Variants in STAG3 observed in about 807,000 individuals in gnomAD.
The protein encoded by STAG3 is STAG3 cohesin complex component.
Under a neutral mutation model 160.7 loss-of-function variants are expected in STAG3, and 101 were observed. That is an observed-to-expected ratio of 0.63 (90% CI 0.54 to 0.74). The LOEUF is 0.74. Among genes scored for constraint, STAG3 ranks in the 30% least tolerant of loss-of-function variants. The pLI, the probability that STAG3 is intolerant of heterozygous loss-of-function variation, is 0.00. For synonymous variants in STAG3, 519 were observed against 585.0 expected (o/e 0.89, Z 1.63); for missense variants, 1,188 against 1,517.4 (o/e 0.78, Z 3.61).
Position 100,204,513 on chromosome 7 carries a change from A to G in STAG3, c.2803-114A>G. The G allele has an allele frequency of 3.1e-6, 4 of 1,298,612 alleles. No individual in the cohort carries two copies. In the Admixed American group the frequency reaches 7.1e-5, roughly 23 times the overall value. The allele number at this position is 1,298,612 out of a possible 1,614,324, so 80.4% of individuals were successfully genotyped here. On this transcript the variant is annotated intron_variant, in intron 26 of 33. Coordinates refer to ENST00000615138, the MANE Select transcript of STAG3 (RefSeq NM_001282717.2). The stretch of plus-strand genomic sequence containing the variant: ...CTAGAAGGAAGGAAAGAGTAAAAGT[A>G]GTAGATGGTGTCCCAAGGCCTTTGG...
intron 12 of STAG3, 76 bp from the exon 13 acceptor site, chr7:100,198,399 C>T: frequency 6.6e-7 from 1 of 1,523,994 alleles, no homozygotes; most frequent in Non-Finnish European, 9.1e-7. Context: ...GCTTTTGCCT[C>T]TTTTTGTTTC....
In STAG3 at chr7:100,200,769, C is replaced by T. The variant is rs768871223; in HGVS notation, c.1861C>T (p.His621Tyr). 43 of 1,613,914 alleles carry T rather than the reference C, an allele frequency of 2.7e-5. No individual in the cohort carries two copies. In the East Asian group the frequency reaches 8.7e-4, roughly 33 times the overall value. The stretch of plus-strand genomic sequence containing the variant: ...ACCATCTTCTGCCTTTTCTTCTCAG[C>T]ACCTGGAGCTGTTCCTGCAGCAACT... ...HIYCTGRLEK[H>Y]LELFLQQLQE... is the part of the protein sequence containing the mutation. Residue 621 changes from histidine (H) to tyrosine (Y), a missense_variant and splice_region_variant, in exon 19 of 34, where the codon CAC (histidine) becomes TAC (tyrosine). Physicochemically the swap from His to Tyr is moderately conservative, Grantham distance 83. This residue lies in a region of STAG3 where 240 missense variants were observed against 358.1 expected (regional missense o/e 0.67). Transcript: ENST00000615138.
chr7:100,185,611 A>C (rs1487999091), intron 4 of STAG3, among the ~76,000 whole-genome samples: 2 of 152,074 alleles, frequency 1.3e-5, no homozygotes, highest in South Asian at 4.1e-4. Context: ...CAAAAAAAAA[A>C]AAAAAGGAAA....
At chr7:100,203,179 T>C (rs1801297442) in intron 25 of STAG3, among the ~76,000 whole-genome samples, 1 of 139,026 alleles carries the variant, frequency 7.2e-6, no homozygotes. Context: ...TTATTTCTTT[T>C]CTTTTCTTTT....
chr7:100,198,054 A>G (rs758817629), intron 11 of STAG3, 33 bp from the exon 12 acceptor site: 2 of 1,608,354 alleles, frequency 1.2e-6, no homozygotes, highest in East Asian at 4.5e-5. Flanking sequence ...AATGGGTGTA[A>G]TGAGATATTG....
chr7:100,210,084 G>A (rs1802038426), intron 29 of STAG3, among the ~76,000 whole-genome samples: 1 of 152,182 alleles, frequency 6.6e-6, no homozygotes, highest in African/African-American at 2.4e-5. Flanking sequence ...AGTGAAGATG[G>A]AGAAGAGGAG....
At chr7:100,213,689 AGG>A in intron 32 of STAG3, 44 bp from the exon 33 acceptor site, 9 of 1,613,754 alleles carry the variant, frequency 5.6e-6, no homozygotes, top group Non-Finnish European at 6.8e-6. Flanking sequence ...GCGAAGTGAC[AGG>A]AGTGTGTAAA....
At chr7:100,214,702 G>A (rs1169606779), downstream of STAG3, among the ~76,000 whole-genome samples, 1 of 152,116 alleles carries the variant, frequency 6.6e-6, no homozygotes, top group Non-Finnish European at 1.5e-5. Context: ...ATGTGTCCTG[G>A]CAGCCTTCAC....
intron 3 of STAG3, 34 bp from the exon 4 acceptor site, chr7:100,182,689 T>G (rs1171645152): frequency 5.6e-6 from 9 of 1,607,140 alleles, no homozygotes; most frequent in Admixed American, 3.4e-5. Context: ...TTTTTGTTTT[T>G]TTTTCATATT....
Position 100,188,853 on chromosome 7 carries a change from G to T in STAG3, c.552G>T (p.Trp184Cys), listed in dbSNP as rs1800185262. Residue 184 changes from tryptophan (W) to cysteine (C), a missense_variant, in exon 7 of 34, where the codon TGG (tryptophan) becomes TGT (cysteine). Trp to Cys is a radical substitution (Grantham distance 215, BLOSUM62 -2). Transcript: ENST00000615138. ...DYPLIAPGPS[W>C]KKFQGSFCEF... is the part of the protein sequence containing the mutation. ...CTCTCATAGCTCCAGGTCCATCCTGGAAGAAGTTCCAGGGCAGCTTCTGTG... is the reference window on the plus strand; with the variant it reads ...CTCTCATAGCTCCAGGTCCATCCTGTAAGAAGTTCCAGGGCAGCTTCTGTG... The T allele has an allele frequency of 6.2e-7, 1 of 1,614,102 alleles. No individual in the cohort carries two copies. Among genetic ancestry groups the T allele is most frequent in the Non-Finnish European group, 8.5e-7 (1 of 1,180,024 alleles).
At chr7:100,194,147 A>T (rs1262100092) in intron 8 of STAG3, among the ~76,000 whole-genome samples, 3 of 151,920 alleles carry the variant, frequency 2.0e-5, no homozygotes, top group Non-Finnish European at 4.4e-5. Context: ...GGGTTTCGCC[A>T]TGTTGGTCAG....
chr7:100,213,835 A>G lies in STAG3; in HGVS notation c.3672+29A>G, dbSNP rs374222393. Reference sequence around the variant, plus strand: ...AGTGTCCCCAGAGCAGGAGTTATGTATCCTTCGGAAATGCTGGCAGGCAAC... The same window carrying G: ...AGTGTCCCCAGAGCAGGAGTTATGTGTCCTTCGGAAATGCTGGCAGGCAAC... On this transcript the variant is annotated intron_variant, in intron 33 of 33. Coordinates refer to ENST00000615138, the MANE Select transcript of STAG3 (RefSeq NM_001282717.2). 29 of 1,614,194 alleles carry G rather than the reference A, an allele frequency of 1.8e-5. No homozygotes were observed. In the African/African-American group the frequency reaches 2.8e-4, roughly 16 times the overall value.
rs1802143931 is a variant in STAG3, at chr7:100,211,013, C to T, written c.3241C>T (p.Pro1081Ser). ...PSSKRRRVEG[P>S]AKPNREDVSS... ...TAATGTATGCATCTGCTTGGCAGGGCCTGCCAAGCCTAACAGAGAGGACGT... is the reference window on the plus strand; with the variant it reads ...TAATGTATGCATCTGCTTGGCAGGGTCTGCCAAGCCTAACAGAGAGGACGT... Residue 1081 changes from proline (P) to serine (S), a missense_variant and splice_region_variant, in exon 30 of 34, where the codon CCT becomes TCT. Physicochemically the swap from Pro to Ser is moderately conservative, Grantham distance 74. Coordinates refer to ENST00000615138, the MANE Select transcript of STAG3 (RefSeq NM_001282717.2). 1 of 1,612,702 alleles carries T rather than the reference C, an allele frequency of 6.2e-7. No homozygotes were observed. The highest frequency in any genetic ancestry group is 8.5e-7 in the Non-Finnish European group (1 of 1,179,576).
At chr7:100,182,260 G>A in intron 3 of STAG3, 68 bp downstream of exon 3, 1 of 1,222,532 alleles carries the variant, frequency 8.2e-7, no homozygotes, top group East Asian at 2.5e-5. Context: ...TTGGGAGGCT[G>A]AGGCAGGAGA....
At position 100,211,862 on chromosome 7, in the gene STAG3, C is replaced by T. The variant is rs1563009585; in HGVS notation, c.3586C>T (p.Gln1196Ter). ...EIQDESNEER[Q>*]DTDMQASSYS... ...CCAGGATGAGTCAAATGAAGAACGG[C>T]AGGATACAGACATGGTGAGTAGACC... Residue 1196 changes from glutamine to a stop codon, truncating the protein, a stop_gained, in exon 32 of 34, where the codon CAG (glutamine) becomes TAG (stop). Transcript: ENST00000615138. LOFTEE classifies it high-confidence loss of function. 2 of 1,614,070 alleles carry T rather than the reference C, an allele frequency of 1.2e-6. No individual in the cohort carries two copies. Among genetic ancestry groups the T allele is most frequent in the Non-Finnish European group, 1.7e-6 (2 of 1,180,016 alleles).
At chr7:100,214,524 A>T (rs986083878), downstream of STAG3, 3 of 165,716 alleles carry the variant, frequency 1.8e-5, no homozygotes, top group African/African-American at 7.2e-5. Context: ...ATTGCTTAGT[A>T]ACTGAGAGGT....
chr7:100,196,994 C>CTA (rs1800732260), intron 9 of STAG3, among the ~76,000 whole-genome samples, 162 bp from the exon 10 acceptor site: 1 of 152,060 alleles, frequency 6.6e-6, no homozygotes, highest in South Asian at 2.1e-4. Context: ...ATGTATTTTA[C>CTA]TATATATATA....
rs1562991258 is a variant in STAG3 at position 100,202,613 on chromosome 7, TAA to T, written c.2700+26_2700+27del. On this transcript the variant is annotated intron_variant, in intron 25 of 33. Transcript: ENST00000615138. ...AAGGTACACCAAGGCCCTACAGAAA[TAA>T]AAGAGAAGGGAGCAAGTTGAGCACA... 4 of 1,603,510 alleles carry T rather than the reference TAA, an allele frequency of 2.5e-6. No homozygotes were observed. The South Asian group carries it at 4.4e-5, about 18-fold the overall frequency.
At chr7:100,196,901 T>G (rs1800726893) in intron 9 of STAG3, among the ~76,000 whole-genome samples, 1 of 152,064 alleles carries the variant, frequency 6.6e-6, no homozygotes, top group African/African-American at 2.4e-5. Flanking sequence ...GAGGCCAAAG[T>G]GGGAAGATGA....
Sources: allele counts gnomAD v4.1 joint callset (sites outside exome capture counted in the v4.1 genomes callset), GRCh38; gene constraint gnomAD v4.1.1; regional missense constraint gnomAD v4.1.1; transcripts MANE v1.5; gene names NCBI Gene and HGNC (gene_info 2026-07-23, HGNC 2026-07-21).